TBC1D8: variants seen among roughly 807,000 people sequenced by gnomAD.
The protein encoded by TBC1D8 is TBC1 domain family member 8.
A neutral mutation model predicts 118.8 loss-of-function variants in TBC1D8; 65 were observed. The observed-to-expected ratio is 0.55, with a 90% CI of 0.45 to 0.67. The LOEUF is 0.67. Ranked by LOEUF, TBC1D8 falls within the 30% of genes least tolerant of loss-of-function variation. The pLI is 0.00. For missense variants in TBC1D8, 1,376 were observed against 1,471.2 expected (o/e 0.94, Z 1.06); for synonymous variants, 566 against 595.8 (o/e 0.95, Z 0.73).
At chr2:101,053,018 T>A (rs1012354460) in intron 4 of TBC1D8, among the ~76,000 whole-genome samples, 9 of 152,216 alleles carry the variant, frequency 5.9e-5, no homozygotes, top group Admixed American at 2.0e-4. Flanking sequence ...TTGAAGGAGC[T>A]TGTTCACACA....
chr2:101,126,378 G>GAAAGA (rs1482889153), intron 1 of TBC1D8, among the ~76,000 whole-genome samples: 1 of 152,170 alleles, frequency 6.6e-6, no homozygotes, highest in Non-Finnish European at 1.5e-5. Flanking sequence ...CCGAACCATA[G>GAAAGA]CAAATGTCTT....
rs34465252 is a variant in TBC1D8, at chr2:101,054,672, CTTTTT to C, written c.403-341_403-337del. On this transcript the variant is annotated intron_variant, in intron 3 of 19. Transcript: ENST00000409318. ...ACAAACAATCATTTTCTTTTCTTTT[CTTTTT>C]TTTTTTTTTTTTTTTTTTTTTGGAG... 5.0e-3 allele frequency among the ~76,000 whole-genome samples: 126 copies of C among 25,426 alleles called. 1 individual carries two copies. In the East Asian group the frequency reaches 0.13, roughly 26 times the overall value. 16.7% of individuals were successfully genotyped at this position (25,426 alleles called of 152,430 possible).
chr2:101,108,565 T>C (rs1467584480), intron 1 of TBC1D8, among the ~76,000 whole-genome samples: 1 of 152,166 alleles, frequency 6.6e-6, no homozygotes, highest in Non-Finnish European at 1.5e-5. Flanking sequence ...TTCCAGCTTC[T>C]GAGACCAACA....
intron 1 of TBC1D8, among the ~76,000 whole-genome samples, chr2:101,100,259 A>G (rs58846024): frequency 0.013 from 2,048 of 152,292 alleles, 44 homozygotes; most frequent in African/African-American, 0.047. Context: ...ACTCCCACTC[A>G]CTATCACTAC....
chr2:101,019,023 C>T (rs757476527), intron 17 of TBC1D8: 5 of 1,612,196 alleles, frequency 3.1e-6, no homozygotes, highest in South Asian at 1.1e-5. Flanking sequence ...GTGTTACAGT[C>T]GCCAAGAGCC....
At chr2:101,072,318 GAAGGCA>G (rs1302076106) in intron 2 of TBC1D8, among the ~76,000 whole-genome samples, 1 of 152,138 alleles carries the variant, frequency 6.6e-6, no homozygotes, top group Non-Finnish European at 1.5e-5. Flanking sequence ...AATCATGGCA[GAAGGCA>G]AAGGGGGAGC....
intron 2 of TBC1D8, among the ~76,000 whole-genome samples, chr2:101,073,594 C>T (rs895980021): frequency 6.6e-6 from 1 of 152,190 alleles, no homozygotes; most frequent in Non-Finnish European, 1.5e-5. Flanking sequence ...CACACCCGGC[C>T]ATCTACATTG....
chr2:101,050,505 A>T lies in TBC1D8; in HGVS notation c.768T>A (p.Phe256Leu). The part of the protein sequence containing the change: ...FSMFLNLDEV[F>L]KVMEQLADVT... ...CGTCGGCCAGCTGCTCCATGACCTT[A>T]AACACCTCATCCAGGTTCAGGAACA... Residue 256 changes from phenylalanine (F) to leucine (L), a missense_variant, in exon 5 of 20, where the codon TTT (phenylalanine) becomes TTA (leucine). By Grantham distance (22) the Phe-to-Leu change is conservative. Transcript: ENST00000409318. 1 of 1,613,992 alleles carries T rather than the reference A, an allele frequency of 6.2e-7. No individual in the cohort carries two copies. The highest frequency in any genetic ancestry group is 8.5e-7 in the Non-Finnish European group (1 of 1,179,878).
chr2:101,066,933 C>T (rs531831652), intron 2 of TBC1D8, among the ~76,000 whole-genome samples: 3 of 111,454 alleles, frequency 2.7e-5, no homozygotes, highest in East Asian at 2.4e-4. Context: ...GGCGACAGAG[C>T]GAGAGTATCC....
Position 101,027,416 on chromosome 2 carries a change from AG to A in TBC1D8, c.2486del (p.Pro829LeufsTer4). On this transcript the variant is annotated frameshift_variant, in exon 15 of 20. Coordinates refer to ENST00000409318, the MANE Select transcript of TBC1D8 (RefSeq NM_001330348.2). LOFTEE classifies it high-confidence loss of function. ...RVVIPEVSIL[P>X]EDLEELYDLF... is the part of the protein sequence containing the mutation. Reference sequence around the variant, plus strand: ...AGTCGTAGAGCTCCTCTAGGTCTTCAGGAAGAATTGAGACTTCCGGGATAAC... The same window carrying A: ...AGTCGTAGAGCTCCTCTAGGTCTTCAGAAGAATTGAGACTTCCGGGATAAC... The A allele has an allele frequency of 6.2e-7, 1 of 1,613,198 alleles. No homozygotes were observed. Among genetic ancestry groups the A allele is most frequent in the Non-Finnish European group, 8.5e-7 (1 of 1,179,270 alleles).
At chr2:101,041,967 G>A (rs537760215) in intron 5 of TBC1D8, among the ~76,000 whole-genome samples, 3 of 152,112 alleles carry the variant, frequency 2.0e-5, no homozygotes, top group South Asian at 2.1e-4. Context: ...AGAGGTTGCA[G>A]TGAGTCGAGA....
chr2:101,035,898 G>A, intron 9 of TBC1D8, 120 bp downstream of exon 9: 1 of 1,183,742 alleles, frequency 8.4e-7, no homozygotes, highest in Non-Finnish European at 1.2e-6. Context: ...GAAATCACAG[G>A]AATGACTCAA....
intron 2 of TBC1D8, among the ~76,000 whole-genome samples, chr2:101,067,823 C>G (rs557649305): frequency 6.6e-6 from 1 of 152,288 alleles, no homozygotes; most frequent in South Asian, 2.1e-4. Context: ...TAGCATTTTG[C>G]CCACAGTAAA....
Position 101,017,902 on chromosome 2 carries a change from G to A in TBC1D8, c.2827+3779C>T, listed in dbSNP as rs1679772812. ...TCTTCAAAACAGATTGTCACCATCA[G>A]TGAGAAACCGAACAAGAAGAGGAAA... On this transcript the variant is annotated intron_variant, in intron 17 of 19. Coordinates refer to ENST00000409318, the MANE Select transcript of TBC1D8 (RefSeq NM_001330348.2). The A allele has an allele frequency of 1.9e-6, 3 of 1,550,764 alleles. No homozygotes were observed. In the African/African-American group the frequency reaches 4.1e-5, roughly 21 times the overall value.
chr2:101,059,382 T>C (rs1232811332), intron 3 of TBC1D8, 39 bp downstream of exon 3: 2 of 1,491,226 alleles, frequency 1.3e-6, no homozygotes, highest in South Asian at 2.3e-5. Context: ...GGAAGAAAGA[T>C]GGAAAGATGG....
At chr2:101,029,435 C>G (rs887200273) in intron 12 of TBC1D8, 56 bp downstream of exon 12, 4 of 1,559,930 alleles carry the variant, frequency 2.6e-6, no homozygotes, top group Non-Finnish European at 2.6e-6. Flanking sequence ...CCCTGCTGGG[C>G]ACGTGCTGCT....
chr2:101,126,662 G>A (rs1678371078), intron 1 of TBC1D8, among the ~76,000 whole-genome samples: 2 of 152,182 alleles, frequency 1.3e-5, no homozygotes, highest in Admixed American at 6.5e-5. Flanking sequence ...ATATGAAAAC[G>A]TATGGTATTA....
intron 5 of TBC1D8, among the ~76,000 whole-genome samples, chr2:101,045,992 CTAAT>C (rs541757673): frequency 1.2e-4 from 18 of 152,130 alleles, no homozygotes; most frequent in African/African-American, 2.2e-4. Flanking sequence ...CATTCTGCCT[CTAAT>C]TAATTAATTA....
chr2:101,136,753 T>G (rs1297027182), intron 1 of TBC1D8, among the ~76,000 whole-genome samples: 1 of 152,212 alleles, frequency 6.6e-6, no homozygotes, highest in Non-Finnish European at 1.5e-5. Flanking sequence ...GCTGAATCCT[T>G]GATGATGAAT....
Sources: allele counts gnomAD v4.1 joint callset (sites outside exome capture counted in the v4.1 genomes callset), GRCh38; gene constraint gnomAD v4.1.1; transcripts MANE v1.5; gene names NCBI Gene and HGNC (gene_info 2026-07-23, HGNC 2026-07-21).